C16orf96: variants seen among roughly 807,000 people sequenced by gnomAD.
The protein encoded by C16orf96 is uncharacterized protein C16orf96.
In C16orf96, 108 loss-of-function variants were observed where a neutral mutation model predicts 103.6. The observed-to-expected ratio is 1.04, with a 90% CI of 0.89 to 1.22. The LOEUF is 1.22. Ranked by LOEUF, C16orf96 falls within the 50% of genes most tolerant of loss-of-function variation. The probability of loss-of-function intolerance (pLI) is 0.00; values close to 1 mark genes in which losing one functional copy is unlikely to be tolerated. For synonymous variants in C16orf96, 566 were observed against 593.5 expected (o/e 0.95, Z 0.67); for missense variants, 1,586 against 1,464.2 (o/e 1.08, Z -1.36).
chr16:4,568,777 C>A (rs2059407487), intron 1 of C16orf96, among the ~76,000 whole-genome samples: 1 of 151,488 alleles, frequency 6.6e-6, no homozygotes, highest in African/African-American at 2.4e-5. Flanking sequence ...TACAGGCATG[C>A]ACCACCACGC....
Position 4,587,037 on chromosome 16 carries a change from A to G in C16orf96, c.2353-2A>G. On this transcript the variant is annotated splice_acceptor_variant, in intron 7 of 15. Coordinates refer to ENST00000444310, the MANE Select transcript of C16orf96 (RefSeq NM_001145011.2). LOFTEE classifies it high-confidence loss of function. ...CAGACATGCCTGTGCTTCTGTTCTT[A>G]GACTCTCCAGGCTCAAATCAAAAGA... 1 of 1,551,386 alleles carries G rather than the reference A, an allele frequency of 6.4e-7. No individual in the cohort carries two copies. Among genetic ancestry groups the G allele is most frequent in the Non-Finnish European group, 8.7e-7 (1 of 1,146,808 alleles).
At chr16:4,553,190 G>A (rs2059238299), upstream of C16orf96, among the ~76,000 whole-genome samples, 1 of 152,188 alleles carries the variant, frequency 6.6e-6, no homozygotes, top group South Asian at 2.1e-4. Context: ...GCCAGGTTTT[G>A]TGGATGGACT....
chr16:4,563,811 C>T (rs556688989), intron 1 of C16orf96, among the ~76,000 whole-genome samples: 297 of 148,558 alleles, frequency 2.0e-3, no homozygotes, highest in African/African-American at 6.7e-3. Context: ...TCAGGTGATC[C>T]ACCCGCCTGG....
chr16:4,590,935 G>C (rs927013304), intron 9 of C16orf96, among the ~76,000 whole-genome samples: 9 of 152,130 alleles, frequency 5.9e-5, no homozygotes, highest in African/African-American at 2.2e-4. Context: ...GGGAGGCTGA[G>C]GCAGGAGAAT....
intron 7 of C16orf96, among the ~76,000 whole-genome samples, chr16:4,580,370 G>A (rs889579755): frequency 3.1e-5 from 4 of 130,550 alleles, no homozygotes; most frequent in Non-Finnish European, 4.6e-5. Flanking sequence ...TGACCACTGC[G>A]TCACCTGCCC....
At chr16:4,552,932 T>A (rs1057059072), upstream of C16orf96, among the ~76,000 whole-genome samples, 1 of 152,198 alleles carries the variant, frequency 6.6e-6, no homozygotes, top group African/African-American at 2.4e-5. Context: ...TATGGCCCCA[T>A]GAGAGTTGAC....
chr16:4,547,400 G>A, the C16orf96 span, among the ~76,000 whole-genome samples: 1 of 148,818 alleles, frequency 6.7e-6, no homozygotes, highest in Admixed American at 6.6e-5. Flanking sequence ...GCCTCCCAAA[G>A]TGCTGGGATT....
rs575283485 is a variant in C16orf96, at chr16:4,556,893, A to G, written c.404A>G (p.Asp135Gly). The change falls in exon 1 of 16, where the codon GAT becomes GGT. Residue 135 changes from aspartate to glycine, a missense_variant. Coordinates refer to ENST00000444310, the MANE Select transcript of C16orf96 (RefSeq NM_001145011.2). ...IKLRKMVEGHDEVMAKSMQTL... is the reference protein window; with the variant it reads ...IKLRKMVEGHGEVMAKSMQTL... ...CTCCGGAAGATGGTGGAGGGTCATG[A>G]TGAAGTCATGGCCAAGGTACGCCCC... is the stretch of plus-strand genomic sequence containing the variant. The G allele has an allele frequency of 9.5e-5, 147 of 1,544,874 alleles. No homozygotes were observed. The East Asian group carries it at 3.5e-3, about 37-fold the overall frequency.
Position 4,575,784 on chromosome 16 carries a change from C to G in C16orf96, c.1304C>G (p.Pro435Arg). The G allele has an allele frequency of 1.3e-6, 2 of 1,550,566 alleles. No homozygotes were observed. Among genetic ancestry groups the G allele is most frequent in the Non-Finnish European group, 1.7e-6 (2 of 1,146,888 alleles). Reference sequence around the variant, plus strand: ...GCCACTGAGTTTGGCTCATTGTGGCCTCGACCACTCCAGCCATATCAGTCT... The same window carrying G: ...GCCACTGAGTTTGGCTCATTGTGGCGTCGACCACTCCAGCCATATCAGTCT... Reference protein sequence around the residue: ...PPATEFGSLWPRPLQPYQSRQ... With the variant: ...PPATEFGSLWRRPLQPYQSRQ... Residue 435 changes from proline (P) to arginine (R), a missense_variant, in exon 5 of 16, where the codon CCT (proline) becomes CGT (arginine). Transcript: ENST00000444310.
chr16:4,545,668 A>C, the C16orf96 span, among the ~76,000 whole-genome samples: 1 of 152,000 alleles, frequency 6.6e-6, no homozygotes, highest in African/African-American at 2.4e-5. Context: ...TCTCCTAGTA[A>C]CTTTCCATCC....
chr16:4,556,720 C>G lies in C16orf96; in HGVS notation c.231C>G (p.Leu77=). The part of the protein sequence containing the change: ...AQPILNPMKR[L]SNVFDHVVSR... ...CTATCCTCAACCCCATGAAGAGGCTCAGCAATGTCTTCGACCACGTGGTGA... is the reference window on the plus strand; with the variant it reads ...CTATCCTCAACCCCATGAAGAGGCTGAGCAATGTCTTCGACCACGTGGTGA... Residue 77 remains leucine, a synonymous_variant, in exon 1 of 16, where the codon CTC becomes CTG. Coordinates refer to ENST00000444310, the MANE Select transcript of C16orf96 (RefSeq NM_001145011.2). 1 of 1,551,690 alleles carries G rather than the reference C, an allele frequency of 6.4e-7. No individual in the cohort carries two copies. Among genetic ancestry groups the G allele is most frequent in the Non-Finnish European group, 8.7e-7 (1 of 1,147,000 alleles).
Position 4,580,081 on chromosome 16 carries a change from G to A in C16orf96, c.2308G>A (p.Asp770Asn). ...EMMKDRYITLDKAVENLQIRM... is the reference protein window; with the variant it reads ...EMMKDRYITLNKAVENLQIRM... Reference sequence around the variant, plus strand: ...GATGAAGGATCGCTACATCACTTTGGACAAGGCGGTGGAGAACCTGCAGAT... The same window carrying A: ...GATGAAGGATCGCTACATCACTTTGAACAAGGCGGTGGAGAACCTGCAGAT... The change falls in exon 7 of 16, where the codon GAC becomes AAC. Residue 770 changes from aspartate (D) to asparagine (N), a missense_variant. Physicochemically the swap from Asp to Asn is conservative, Grantham distance 23 (BLOSUM62 1). Transcript: ENST00000444310. 6.5e-7 allele frequency: 1 copy of A among 1,547,484 alleles called. No individual in the cohort carries two copies. Among genetic ancestry groups the A allele is most frequent in the Non-Finnish European group, 8.7e-7 (1 of 1,144,980 alleles).
rs1258328760 is a variant in C16orf96 at position 4,576,224 on chromosome 16, A to G, written c.1744A>G (p.Thr582Ala). The change falls in exon 5 of 16, where the codon ACA becomes GCA. Residue 582 changes from threonine (T) to alanine (A), a missense_variant. Physicochemically the swap from Thr to Ala is moderately conservative, Grantham distance 58. Transcript: ENST00000444310. ...AAAAAAYAAA[T>A]SSAAQAAKVA... is the part of the protein sequence containing the mutation. ...TGCCGCCGCAGCCTACGCCGCTGCC[A>G]CATCCTCCGCTGCCCAGGCAGCCAA... 11 of 1,550,628 alleles carry G rather than the reference A, an allele frequency of 7.1e-6. No homozygotes were observed. The highest frequency in any genetic ancestry group is 9.6e-6 in the Non-Finnish European group (11 of 1,146,964).
At position 4,576,279 on chromosome 16, in the gene C16orf96, C is replaced by T. The variant is rs1450261531; in HGVS notation, c.1799C>T (p.Pro600Leu). The T allele has an allele frequency of 2.6e-6, 4 of 1,550,776 alleles. No homozygotes were observed. The East Asian group carries it at 9.8e-5, about 38-fold the overall frequency. Residue 600 changes from proline (P) to leucine (L), a missense_variant, in exon 5 of 16, where the codon CCA (proline) becomes CTA (leucine). By Grantham distance (98) the Pro-to-Leu change is moderately conservative (BLOSUM62 -3). Transcript: ENST00000444310. The part of the protein sequence containing the change: ...KVAAKFVKDA[P>L]ATKMAAIATD... ...GCTGCCAAGTTTGTCAAGGATGCCC[C>T]AGCCACCAAAATGGCCGCCATTGCA...
chr16:4,549,412 G>A, the C16orf96 span, among the ~76,000 whole-genome samples: 13 of 150,162 alleles, frequency 8.7e-5, no homozygotes, highest in Admixed American at 4.7e-4. Context: ...GGCGGAGCTC[G>A]CAGTGAGCCA....
intron 7 of C16orf96, among the ~76,000 whole-genome samples, chr16:4,586,013 A>G (rs1468759463): frequency 6.6e-6 from 1 of 152,114 alleles, no homozygotes; most frequent in Non-Finnish European, 1.5e-5. Flanking sequence ...TAATCCCAGC[A>G]CTTTGGGAGG....
chr16:4,582,285 AAAATAAATAAATAAATAAAT>A (rs140485410), intron 7 of C16orf96, among the ~76,000 whole-genome samples: 102,484 of 149,196 alleles, frequency 0.69, 37,557 homozygotes, highest in East Asian at 0.87. Flanking sequence ...TCAGTCTCAA[AAAATAAATAAATAAATAAAT>A]AAATAAATAA....
chr16:4,576,069 A>G lies in C16orf96; in HGVS notation c.1589A>G (p.Lys530Arg), dbSNP rs1269042266. The change falls in exon 5 of 16, where the codon AAA becomes AGA. Residue 530 changes from lysine (K) to arginine (R), a missense_variant. By Grantham distance (26) the Lys-to-Arg change is conservative (BLOSUM62 2). Transcript: ENST00000444310. Reference protein sequence around the residue: ...KDRAHKDDVPKDRGGKDGDPK... With the variant: ...KDRAHKDDVPRDRGGKDGDPK... The stretch of plus-strand genomic sequence containing the variant: ...AGAGCTCACAAGGATGATGTCCCCA[A>G]AGATAGAGGTGGCAAAGATGGGGAC... The G allele has an allele frequency of 2.6e-6, 4 of 1,551,520 alleles. No homozygotes were observed. The East Asian group carries it at 9.8e-5, about 38-fold the overall frequency.
the C16orf96 span, among the ~76,000 whole-genome samples, chr16:4,549,531 C>T: frequency 7.8e-4 from 118 of 151,566 alleles, 4 homozygotes; most frequent in South Asian, 0.021. Context: ...GGCTCACACC[C>T]GTAATCCTGT....
Sources: allele counts gnomAD v4.1 joint callset (sites outside exome capture counted in the v4.1 genomes callset), GRCh38; gene constraint gnomAD v4.1.1; transcripts MANE v1.5; gene names NCBI Gene and HGNC (gene_info 2026-07-23, HGNC 2026-07-21).